ASZ1: variants seen among roughly 807,000 people sequenced by gnomAD.
The protein encoded by ASZ1 is ankyrin repeat, SAM and basic leucine zipper domain containing 1, also known as ankyrin repeat, SAM and basic leucine zipper domain-containing protein 1.
ASZ1 carries 67 observed loss-of-function variants against 61.8 expected under a neutral mutation model. That is an observed-to-expected ratio of 1.08 (90% CI 0.89 to 1.33). ASZ1 has a LOEUF of 1.33. Among genes scored for constraint, ASZ1 ranks in the 40% most tolerant of loss-of-function variants. The pLI, the probability that ASZ1 is intolerant of heterozygous loss-of-function variation, is 0.00. For synonymous variants in ASZ1, 193 were observed against 192.7 expected (o/e 1.00, Z -0.01); for missense variants, 577 against 554.5 (o/e 1.04, Z -0.41).
chr7:117,410,607 T>C (rs1796871755), intron 4 of ASZ1, among the ~76,000 whole-genome samples: 2 of 151,566 alleles, frequency 1.3e-5, no homozygotes, highest in South Asian at 2.1e-4. Context: ...GTTATCATTA[T>C]ACTGTTGAAA....
chr7:117,368,723 G>A lies in ASZ1; in HGVS notation c.1056-6C>T, dbSNP rs1318334256. On this transcript the variant is annotated splice_region_variant and splice_polypyrimidine_tract_variant and intron_variant, in intron 10 of 12. Transcript: ENST00000284629. Reference sequence around the variant, plus strand: ...AGTTGAGGAACTCATCACCACTAAAGAAAGGAAACAAACAAACAAGCAGGA... The same window carrying A: ...AGTTGAGGAACTCATCACCACTAAAAAAAGGAAACAAACAAACAAGCAGGA... 1 of 1,609,750 alleles carries A rather than the reference G, an allele frequency of 6.2e-7. No homozygotes were observed. The highest frequency in any genetic ancestry group is 8.5e-7 in the Non-Finnish European group (1 of 1,178,702).
rs946749756 is a variant in ASZ1 at position 117,382,230 on chromosome 7, GAAT to G, written c.813-89_813-87del. The G allele has an allele frequency of 4.4e-5, 35 of 802,608 alleles. No individual in the cohort carries two copies. In the East Asian group the frequency reaches 6.5e-4, roughly 15 times the overall value. The allele number at this position is 802,608 out of a possible 1,614,324, so 49.7% of individuals were successfully genotyped here. ...ATACATTTATATTGCAAGAGAATAT[GAAT>G]AATAATGAATTCATGTAGAATATAT... On this transcript the variant is annotated intron_variant, in intron 7 of 12. Coordinates refer to ENST00000284629, the MANE Select transcript of ASZ1 (RefSeq NM_130768.3).
chr7:117,376,261 A>G (rs1303929897), intron 10 of ASZ1, among the ~76,000 whole-genome samples: 2 of 152,154 alleles, frequency 1.3e-5, no homozygotes, highest in Non-Finnish European at 2.9e-5. Context: ...CAAAACAGAT[A>G]TAACTTGAAT....
intron 2 of ASZ1, among the ~76,000 whole-genome samples, chr7:117,425,335 G>A (rs1271413273): frequency 4.0e-5 from 5 of 126,350 alleles, no homozygotes; most frequent in African/African-American, 1.5e-4. Flanking sequence ...GCGCGATCTC[G>A]GCTCACTGCA....
In ASZ1 at chr7:117,422,228, A is replaced by C; in HGVS notation, c.328+9T>G. The C allele has an allele frequency of 6.2e-7, 1 of 1,608,462 alleles. No individual in the cohort carries two copies. Among genetic ancestry groups the C allele is most frequent in the Non-Finnish European group, 8.5e-7 (1 of 1,178,602 alleles). On this transcript the variant is annotated intron_variant, in intron 3 of 12. Coordinates refer to ENST00000284629, the MANE Select transcript of ASZ1 (RefSeq NM_130768.3). Reference sequence around the variant, plus strand: ...AGCATAATCATTTAAGTTATCTAAAACATCTTACCCTTCTCAAAGCTTGCA... The same window carrying C: ...AGCATAATCATTTAAGTTATCTAAACCATCTTACCCTTCTCAAAGCTTGCA...
At chr7:117,385,846 G>A in intron 4 of ASZ1, 37 bp from the exon 5 acceptor site, 4 of 1,474,658 alleles carry the variant, frequency 2.7e-6, no homozygotes, top group Non-Finnish European at 3.8e-6. Context: ...TTGTGTTAAT[G>A]CTGCCATTAA....
chr7:117,414,334 A>G (rs1313637050), intron 4 of ASZ1, among the ~76,000 whole-genome samples: 2 of 152,194 alleles, frequency 1.3e-5, no homozygotes, highest in Non-Finnish European at 2.9e-5. Flanking sequence ...ATTGACACCC[A>G]GGAATCCAAA....
chr7:117,413,318 T>A (rs1796932908), intron 4 of ASZ1, among the ~76,000 whole-genome samples: 1 of 151,978 alleles, frequency 6.6e-6, no homozygotes, highest in Non-Finnish European at 1.5e-5. Flanking sequence ...GAGCACCAAT[T>A]TTCTGTTCTG....
chr7:117,367,827 C>A, intron 11 of ASZ1: 1 of 989,002 alleles, frequency 1.0e-6, no homozygotes, highest in East Asian at 1.1e-4. Flanking sequence ...TTCACTAAGA[C>A]AAACAGCTAA....
intron 10 of ASZ1, among the ~76,000 whole-genome samples, chr7:117,378,479 C>T (rs1796178602): frequency 6.6e-6 from 1 of 151,988 alleles, no homozygotes; most frequent in South Asian, 2.1e-4. Flanking sequence ...ACACAACAAG[C>T]TATTACTGTA....
intron 8 of ASZ1, among the ~76,000 whole-genome samples, 176 bp from the exon 9 acceptor site, chr7:117,381,243 A>G (rs558804527): frequency 6.6e-6 from 1 of 152,192 alleles, no homozygotes; most frequent in South Asian, 2.1e-4. Flanking sequence ...AATGAGTATC[A>G]TAATAATTAT....
intron 9 of ASZ1, 83 bp downstream of exon 9, chr7:117,380,928 C>G: frequency 8.3e-7 from 1 of 1,203,438 alleles, no homozygotes; most frequent in Non-Finnish European, 1.2e-6. Context: ...ATAGCCCTGG[C>G]ATTTTAAAAA....
intron 12 of ASZ1, 110 bp downstream of exon 12, chr7:117,367,242 G>A (rs999585271): frequency 4.2e-5 from 34 of 813,920 alleles, no homozygotes; most frequent in Middle Eastern, 2.5e-4. Context: ...TTTCCCACTT[G>A]TCTAAGTGTT....
Position 117,422,241 on chromosome 7 carries a change from C to T in ASZ1, c.324G>A (p.Glu108=). Residue 108 remains glutamate (E), a synonymous_variant, in exon 3 of 13, where the codon GAG becomes GAA. Transcript: ENST00000284629. ...AAGTTATCTAAAACATCTTACCCTT[C>T]TCAAAGCTTGCATTAGCACCTCTGT... is the stretch of plus-strand genomic sequence containing the variant. The part of the protein sequence containing the change: ...LLDRGANASF[E]KDKQSILITA... The T allele has an allele frequency of 1.2e-6, 2 of 1,612,816 alleles. No individual in the cohort carries two copies. The highest frequency in any genetic ancestry group is 1.7e-6 in the Non-Finnish European group (2 of 1,179,646).
intron 4 of ASZ1, among the ~76,000 whole-genome samples, chr7:117,403,977 G>A (rs1021906044): frequency 2.6e-5 from 4 of 152,164 alleles, no homozygotes; most frequent in Non-Finnish European, 5.9e-5. Context: ...AACGCCTGAC[G>A]ATCTGAGGTG....
At chr7:117,386,949 G>T (rs1796368118) in intron 4 of ASZ1, among the ~76,000 whole-genome samples, 1 of 151,870 alleles carries the variant, frequency 6.6e-6, no homozygotes, top group African/African-American at 2.4e-5. Flanking sequence ...TCATTAGATA[G>T]ACAATCTTTA....
chr7:117,372,720 T>C (rs6466610), intron 10 of ASZ1, among the ~76,000 whole-genome samples: 40,901 of 152,006 alleles, frequency 0.27, 5,793 homozygotes, highest in African/African-American at 0.3. Context: ...TCAACAATCT[T>C]ACCACTCACA....
chr7:117,371,688 T>A (rs984452864), intron 10 of ASZ1, among the ~76,000 whole-genome samples: 16 of 152,152 alleles, frequency 1.1e-4, no homozygotes, highest in Non-Finnish European at 2.2e-4. Flanking sequence ...GATTTCAGTG[T>A]TCTTTAAATA....
chr7:117,376,870 G>C (rs4730778), intron 10 of ASZ1, among the ~76,000 whole-genome samples: 17,032 of 151,962 alleles, frequency 0.11, 1,527 homozygotes, highest in East Asian at 0.45. Context: ...CCTGAGATTG[G>C]GAAGAAGGCA....
Sources: gnomAD v4.1 joint callset for allele counts (sites outside exome capture counted in the v4.1 genomes callset) on GRCh38, gnomAD v4.1.1 for gene constraint, MANE v1.5 for transcripts, NCBI Gene and HGNC (gene_info 2026-07-23, HGNC 2026-07-21) for gene names.